CSMD1: variants seen among roughly 807,000 people sequenced by gnomAD.
CSMD1 encodes the protein CUB and Sushi multiple domains 1, also known as CUB and sushi domain-containing protein 1.
A neutral mutation model predicts 417.5 loss-of-function variants in CSMD1; 213 were observed. The ratio of observed to expected loss-of-function variants is 0.51; its 90% CI spans 0.46 to 0.57. The LOEUF (loss-of-function observed/expected upper bound fraction) is 0.57. Ranked by LOEUF, CSMD1 falls within the 20% of genes least tolerant of loss-of-function variation. CSMD1 has a pLI of 0.00. For missense variants in CSMD1, 6,923 were observed against 4,529.7 expected, an observed-to-expected ratio of 1.53 and a Z score of -15.17; for synonymous variants, 2,862 against 1,736.8, an observed-to-expected ratio of 1.65 and a Z score of -16.11.
At chr8:3,534,269 C>G (rs918972097) in intron 10 of CSMD1, among the ~76,000 whole-genome samples, 3 of 152,120 alleles carry the variant, frequency 2.0e-5, no homozygotes, top group Non-Finnish European at 2.9e-5. Flanking sequence ...ACTTATTAAT[C>G]TTTCTTTTGA....
intron 50 of CSMD1, among the ~76,000 whole-genome samples, chr8:3,030,676 G>A (rs1474969385): frequency 6.6e-6 from 1 of 151,860 alleles, no homozygotes; most frequent in African/African-American, 2.4e-5. Flanking sequence ...GTAGAAATGG[G>A]GTTTCACCAC....
At chr8:4,354,438 C>T (rs758277051) in intron 3 of CSMD1, among the ~76,000 whole-genome samples, 1 of 152,154 alleles carries the variant, frequency 6.6e-6, no homozygotes, top group Non-Finnish European at 1.5e-5. Context: ...TAGGAGAGAA[C>T]ACCAAACATC....
intron 48 of CSMD1, among the ~76,000 whole-genome samples, chr8:3,090,174 G>A (rs1424045918): frequency 3.9e-5 from 6 of 151,964 alleles, no homozygotes; most frequent in Admixed American, 6.5e-5. Flanking sequence ...AAAATTAGCC[G>A]GGCGCGGTGG....
intron 3 of CSMD1, among the ~76,000 whole-genome samples, chr8:4,273,920 G>C (rs956037912): frequency 6.6e-6 from 1 of 152,236 alleles, no homozygotes; most frequent in East Asian, 1.9e-4. Context: ...ATTATCACTG[G>C]ATTACTTTTC....
chr8:3,886,118 T>C (rs1222687890), intron 5 of CSMD1, among the ~76,000 whole-genome samples: 8 of 152,128 alleles, frequency 5.3e-5, no homozygotes, highest in Non-Finnish European at 1.2e-4. Context: ...TGCTGCGATC[T>C]CAGCTCACTG....
intron 2 of CSMD1, among the ~76,000 whole-genome samples, chr8:4,423,364 G>T (rs1797359951): frequency 6.6e-6 from 1 of 152,070 alleles, no homozygotes; most frequent in Non-Finnish European, 1.5e-5. Context: ...CATCAAACGT[G>T]CAAGGCACAT....
At chr8:3,176,346 G>A (rs192793147) in intron 37 of CSMD1, among the ~76,000 whole-genome samples, 1 of 151,344 alleles carries the variant, frequency 6.6e-6, no homozygotes, top group African/African-American at 2.4e-5. Context: ...ATCTCTGAAT[G>A]TTTTCACAGT....
intron 30 of CSMD1, 59 bp downstream of exon 30, chr8:3,214,438 G>A: frequency 7.3e-7 from 1 of 1,365,354 alleles, no homozygotes; most frequent in Non-Finnish European, 9.9e-7. Context: ...TTTCTTCAAT[G>A]AGATGCTGCA....
At chr8:3,595,542 C>T (rs1227803839) in intron 8 of CSMD1, among the ~76,000 whole-genome samples, 4 of 152,122 alleles carry the variant, frequency 2.6e-5, no homozygotes, top group African/African-American at 7.2e-5. Context: ...TTTTTAGATA[C>T]TGTGTGTTAG....
At chr8:3,726,466 G>C (rs995804652) in intron 6 of CSMD1, among the ~76,000 whole-genome samples, 2 of 152,212 alleles carry the variant, frequency 1.3e-5, no homozygotes, top group African/African-American at 4.8e-5. Context: ...TGAATGTGTA[G>C]AGCCAGATGG....
At chr8:4,214,658 G>A (rs1034886140) in intron 3 of CSMD1, among the ~76,000 whole-genome samples, 4 of 152,136 alleles carry the variant, frequency 2.6e-5, no homozygotes, top group African/African-American at 9.7e-5. Flanking sequence ...GTGTATGTGT[G>A]TGTGTATGAG....
At chr8:4,771,798 C>A (rs543301832) in intron 1 of CSMD1, among the ~76,000 whole-genome samples, 2 of 152,266 alleles carry the variant, frequency 1.3e-5, no homozygotes, top group African/African-American at 4.8e-5. Flanking sequence ...CCCTGATGTT[C>A]CCAAAGTTTG....
At chr8:3,116,087 A>T (rs983303703) in intron 42 of CSMD1, among the ~76,000 whole-genome samples, 1 of 152,230 alleles carries the variant, frequency 6.6e-6, no homozygotes, top group Non-Finnish European at 1.5e-5. Context: ...CCGCATTCTT[A>T]TGAAGCAACG....
intron 4 of CSMD1, among the ~76,000 whole-genome samples, chr8:4,013,021 A>C (rs1447376304): frequency 6.6e-6 from 1 of 152,000 alleles, no homozygotes; most frequent in Non-Finnish European, 1.5e-5. Context: ...ATGATTTTCT[A>C]ATAGGTTTTT....
chr8:4,087,793 A>T (rs1260270971), intron 3 of CSMD1, among the ~76,000 whole-genome samples: 1 of 151,874 alleles, frequency 6.6e-6, no homozygotes, highest in Non-Finnish European at 1.5e-5. Context: ...ATTGTCTCAC[A>T]TTTATTTTTA....
intron 3 of CSMD1, among the ~76,000 whole-genome samples, chr8:4,157,808 T>C (rs1012395837): frequency 2.6e-5 from 4 of 152,152 alleles, no homozygotes; most frequent in African/African-American, 9.7e-5. Flanking sequence ...AGGGCCTTGG[T>C]CCAGCTTTAG....
At chr8:3,216,962 C>T (rs1178458659) in intron 29 of CSMD1, among the ~76,000 whole-genome samples, 1 of 152,180 alleles carries the variant, frequency 6.6e-6, no homozygotes, top group Non-Finnish European at 1.5e-5. Flanking sequence ...CAATCACTGC[C>T]CTAGGCTGGA....
At chr8:4,324,228 G>A (rs925530880) in intron 3 of CSMD1, among the ~76,000 whole-genome samples, 1 of 152,226 alleles carries the variant, frequency 6.6e-6, no homozygotes, top group Non-Finnish European at 1.5e-5. Flanking sequence ...TGCATCTGCA[G>A]AGATTTCCCT....
At chr8:4,160,285 C>T (rs1031702438) in intron 3 of CSMD1, among the ~76,000 whole-genome samples, 1 of 152,032 alleles carries the variant, frequency 6.6e-6, no homozygotes, top group African/African-American at 2.4e-5. Context: ...TTGGAAAGTA[C>T]TGAATTTAGG....
Sources: allele counts gnomAD v4.1 joint callset (sites outside exome capture counted in the v4.1 genomes callset), GRCh38; gene constraint gnomAD v4.1.1; transcripts MANE v1.5; gene names NCBI Gene and HGNC (gene_info 2026-07-23, HGNC 2026-07-21).